The following STRN variants were observed in gnomAD, a reference collection of about 807,000 sequenced individuals.
STRN encodes the protein protein phosphatase 2 regulatory subunit B'''alpha.
In STRN, 53 loss-of-function variants were observed where a neutral mutation model predicts 96.3. The observed-to-expected ratio is 0.55, with a 90% CI of 0.44 to 0.69. The LOEUF (loss-of-function observed/expected upper bound fraction) is 0.69. Among genes scored for constraint, STRN ranks in the 30% least tolerant of loss-of-function variants. The probability of loss-of-function intolerance (pLI) is 0.00; values close to 1 mark genes in which losing one functional copy is unlikely to be tolerated. For missense variants in STRN, 987 were observed against 963.9 expected (o/e 1.02, Z -0.32); for synonymous variants, 428 against 355.9 (o/e 1.20, Z -2.28).
chr2:36,947,619 T>A (rs964760500), intron 1 of STRN, among the ~76,000 whole-genome samples: 1 of 149,952 alleles, frequency 6.7e-6, no homozygotes, highest in Admixed American at 6.7e-5. Context: ...CAAAATTCAA[T>A]GTAGAACTGT....
intron 1 of STRN, among the ~76,000 whole-genome samples, chr2:36,928,296 G>A (rs1039128026): frequency 6.6e-6 from 1 of 151,778 alleles, no homozygotes; most frequent in African/African-American, 2.4e-5. Context: ...GAGGGTGAGA[G>A]ACATAAAAGA....
intron 6 of STRN, among the ~76,000 whole-genome samples, chr2:36,898,342 A>G (rs1022801930): frequency 6.6e-6 from 1 of 152,238 alleles, no homozygotes; most frequent in African/African-American, 2.4e-5. Flanking sequence ...TGGTAAATTA[A>G]GACACAGGCT....
At chr2:36,874,747 T>C (rs1371035202) in intron 10 of STRN, among the ~76,000 whole-genome samples, 1 of 143,526 alleles carries the variant, frequency 7.0e-6, no homozygotes, top group Non-Finnish European at 1.5e-5. Flanking sequence ...AAAACACCTC[T>C]GCCAACTAGA....
At position 36,857,738 on chromosome 2, in the gene STRN, G is replaced by A. The variant is rs2717497; in HGVS notation, c.1837+118C>T. On this transcript the variant is annotated intron_variant, in intron 14 of 17. Coordinates refer to ENST00000263918, the MANE Select transcript of STRN (RefSeq NM_003162.4). ...AAATTCAAACAAATACACTTTCGTG[G>A]CTTCAAAAACTTTCAAATTAAATTT... 675 of 830,268 alleles carry A rather than the reference G, an allele frequency of 8.1e-4. 12 individuals are homozygous for A. In the East Asian group the frequency reaches 0.016, roughly 19 times the overall value. The allele number at this position is 830,268 out of a possible 1,614,324, so 51.4% of individuals were successfully genotyped here.
In STRN at chr2:36,948,184, C is replaced by G. The variant is rs188782916; in HGVS notation, c.234+18046G>C. Among the ~76,000 whole-genome samples the G allele has an allele frequency of 1.1e-3, 151 of 142,414 alleles. 2 individuals are homozygous for G. The Middle Eastern group carries it at 0.036, about 34-fold the overall frequency. The allele number at this position is 142,414 out of a possible 152,430, so 93.4% of individuals were successfully genotyped here. A position where few individuals can be genotyped will look rare whatever the true frequency, so the allele number is the denominator to read the frequency against. On this transcript the variant is annotated intron_variant, in intron 1 of 17. Coordinates refer to ENST00000263918, the MANE Select transcript of STRN (RefSeq NM_003162.4). ...TGATGTGATCTGGGCTCACTGCAAC[C>G]TCCGCCTCCCAGGTTCAAGTGATTC...
At chr2:36,920,669 G>C (rs963013737) in intron 2 of STRN, among the ~76,000 whole-genome samples, 5 of 150,330 alleles carry the variant, frequency 3.3e-5, no homozygotes, top group Non-Finnish European at 5.9e-5. Context: ...ACAAAAGCAG[G>C]AACTCTTTTC....
At chr2:36,873,862 GAA>G (rs1668828873) in intron 10 of STRN, among the ~76,000 whole-genome samples, 1 of 151,446 alleles carries the variant, frequency 6.6e-6, no homozygotes, top group Non-Finnish European at 1.5e-5. Flanking sequence ...AGAATTGCTT[GAA>G]CCTGGGAGGC....
At chr2:36,951,985 C>T (rs1439545873) in intron 1 of STRN, among the ~76,000 whole-genome samples, 1 of 152,184 alleles carries the variant, frequency 6.6e-6, no homozygotes, top group Admixed American at 6.5e-5. Context: ...CTAGGTTGTG[C>T]GGCACTCCCA....
Position 36,839,070 on chromosome 2 carries a change from G to A in STRN, c.*10386C>T, listed in dbSNP as rs1667885728. ...ATGTAATAACTGGGTATACACATTT[G>A]TATGAATAATTAGAAAGATACATAT... On this transcript the variant is annotated 3_prime_UTR_variant, in exon 18 of 18. Coordinates refer to ENST00000263918, the MANE Select transcript of STRN (RefSeq NM_003162.4). Among the ~76,000 whole-genome samples, 1 of 152,198 alleles carries A rather than the reference G, an allele frequency of 6.6e-6. No individual in the cohort carries two copies. The highest frequency in any genetic ancestry group is 1.5e-5 in the Non-Finnish European group (1 of 68,036).
rs1667968895 is a variant in STRN at position 36,842,174 on chromosome 2, A to C, written c.*7282T>G. ...ATTTCTACAACTCACGATTAATGTA[A>C]AACGTTGCTTTCCATGTGCTTTTTT... On this transcript the variant is annotated 3_prime_UTR_variant, in exon 18 of 18. Coordinates refer to ENST00000263918, the MANE Select transcript of STRN (RefSeq NM_003162.4). The C allele has an allele frequency of 6.6e-6, 1 of 152,192 alleles. No homozygotes were observed. Among genetic ancestry groups the C allele is most frequent in the African/African-American group, 2.4e-5 (1 of 41,456 alleles). The allele number at this position is 152,192 out of a possible 1,614,324, so 9.4% of individuals were successfully genotyped here. A position where few individuals can be genotyped will look rare whatever the true frequency, so the allele number is the denominator to read the frequency against.
At position 36,838,696 on chromosome 2, in the gene STRN, T is replaced by C. The variant is rs1395225381; in HGVS notation, c.*10760A>G. 6.6e-6 allele frequency among the ~76,000 whole-genome samples: 1 copy of C among 152,214 alleles called. No homozygotes were observed. The highest frequency in any genetic ancestry group is 2.4e-5 in the African/African-American group (1 of 41,460). ...TTAAAAATTTAAATATACATACTCC[T>C]CAATGCAGCAATCCTACTCCAGGGA... On this transcript the variant is annotated 3_prime_UTR_variant, in exon 18 of 18. Transcript: ENST00000263918.
At chr2:36,958,895 G>A (rs186311259) in intron 1 of STRN, among the ~76,000 whole-genome samples, 2 of 152,260 alleles carry the variant, frequency 1.3e-5, no homozygotes, top group Admixed American at 1.3e-4. Flanking sequence ...TGAGGCGGGC[G>A]GATCACGAGG....
intron 12 of STRN, among the ~76,000 whole-genome samples, chr2:36,865,711 G>A (rs1214262069): frequency 2.6e-5 from 4 of 151,948 alleles, no homozygotes; most frequent in African/African-American, 7.3e-5. Context: ...ACAGGTGCAC[G>A]CCACCGCACT....
At chr2:36,873,941 CA>C (rs56195651) in intron 10 of STRN, among the ~76,000 whole-genome samples, 128,587 of 138,028 alleles carry the variant, frequency 0.93, 60,272 homozygotes, top group East Asian at 0.99. Context: ...GACTCCGCCT[CA>C]AAAAAAAAAA....
At chr2:36,867,040 G>C (rs1027518174) in intron 12 of STRN, among the ~76,000 whole-genome samples, 1 of 152,178 alleles carries the variant, frequency 6.6e-6, no homozygotes, top group African/African-American at 2.4e-5. Flanking sequence ...GGTTAACACT[G>C]ATATGTGCCC....
At chr2:36,915,991 A>G in intron 3 of STRN, 87 bp downstream of exon 3, 1 of 1,185,126 alleles carries the variant, frequency 8.4e-7, no homozygotes, top group Admixed American at 2.1e-5. Context: ...AAATAATTAG[A>G]AAGTAACTTA....
At chr2:36,860,896 A>G (rs1175111431) in intron 13 of STRN, among the ~76,000 whole-genome samples, 2 of 152,234 alleles carry the variant, frequency 1.3e-5, no homozygotes, top group Non-Finnish European at 2.9e-5. Flanking sequence ...TTTCCAATCA[A>G]TAAGACTTTA....
chr2:36,877,907 T>C lies in STRN; in HGVS notation c.1307A>G (p.Asp436Gly). 1 of 1,614,150 alleles carries C rather than the reference T, an allele frequency of 6.2e-7. No homozygotes were observed. The highest frequency in any genetic ancestry group is 8.5e-7 in the Non-Finnish European group (1 of 1,180,016). The change falls in exon 10 of 18, where the codon GAC (aspartate) becomes GGC (glycine). Residue 436 changes from aspartate (D) to glycine (G), a missense_variant. Physicochemically the swap from Asp to Gly is moderately conservative, Grantham distance 94 (BLOSUM62 -1). Transcript: ENST00000263918. ...ACTACTTACATCATAAGTTAGTGAG[T>C]CTGCTTCATTGGCCACCGTAAGGCC... ...LAGLTVANEA[D>G]SLTYDIANNK... is the part of the protein sequence containing the mutation.
At chr2:36,852,499 G>C (rs956297417) in intron 15 of STRN, among the ~76,000 whole-genome samples, 22 of 152,108 alleles carry the variant, frequency 1.4e-4, no homozygotes, top group African/African-American at 4.8e-4. Flanking sequence ...AAAGGATCTA[G>C]GGGAATAGGA....
Sources: allele counts gnomAD v4.1 joint callset (sites outside exome capture counted in the v4.1 genomes callset), GRCh38; gene constraint gnomAD v4.1.1; transcripts MANE v1.5; gene names NCBI Gene and HGNC (gene_info 2026-07-23, HGNC 2026-07-21).